TAF4B: variants seen among roughly 807,000 people sequenced by gnomAD.
TAF4B encodes the protein TATA-box binding protein associated factor 4b, also known as transcription initiation factor TFIID subunit 4B.
Under a neutral mutation model 86.4 loss-of-function variants are expected in TAF4B, and 38 were observed. That is an observed-to-expected ratio of 0.44 (90% CI 0.34 to 0.58). TAF4B has a LOEUF of 0.58. TAF4B is among the 20% of genes least tolerant of loss of function. TAF4B has a pLI of 0.02. For missense variants in TAF4B, 988 were observed against 1,027.6 expected (o/e 0.96, Z 0.53); for synonymous variants, 388 against 391.2 (o/e 0.99, Z 0.10).
chr18:26,231,343 G>T (rs12457040), intron 1 of TAF4B, among the ~76,000 whole-genome samples: 24,332 of 38,102 alleles, frequency 0.64, 6,392 homozygotes, highest in Non-Finnish European at 0.66. Flanking sequence ...CAGCTGCTTG[G>T]GGTTTTTTTT....
chr18:26,299,259 A>G (rs913554586), intron 9 of TAF4B, among the ~76,000 whole-genome samples: 2 of 151,960 alleles, frequency 1.3e-5, no homozygotes, highest in African/African-American at 4.8e-5. Context: ...TAGTCTTCCT[A>G]TTGCCTGTTT....
intron 1 of TAF4B, among the ~76,000 whole-genome samples, chr18:26,258,757 G>A (rs2056121545): frequency 6.6e-6 from 1 of 152,058 alleles, no homozygotes. Context: ...GTGCTGTGGT[G>A]TGATTATAGC....
intron 5 of TAF4B, among the ~76,000 whole-genome samples, chr18:26,279,415 C>T (rs1015072774): frequency 2.0e-5 from 3 of 151,902 alleles, no homozygotes; most frequent in Non-Finnish European, 2.9e-5. Context: ...GCCATACTGC[C>T]CAAAGCAATT....
chr18:26,282,068 T>A lies in TAF4B; in HGVS notation c.972+8T>A, dbSNP rs1200498301. The A allele has an allele frequency of 6.3e-7, 1 of 1,589,290 alleles. No individual in the cohort carries two copies. Among genetic ancestry groups the A allele is most frequent in the African/African-American group, 1.3e-5 (1 of 74,132 alleles). On this transcript the variant is annotated splice_region_variant and intron_variant, in intron 6 of 14. Coordinates refer to ENST00000269142, the MANE Select transcript of TAF4B (RefSeq NM_005640.3). ...CTGGTTCCTTTTCTTAAGGTAGAGT[T>A]ATGTGTCACTTAGAAGAAATAATTT...
At chr18:26,361,428 A>G (rs1388311462) in intron 14 of TAF4B, among the ~76,000 whole-genome samples, 7 of 151,352 alleles carry the variant, frequency 4.6e-5, no homozygotes, top group Non-Finnish European at 8.8e-5. Flanking sequence ...TTGGCCCCAA[A>G]TCTTAATATA....
chr18:26,330,843 T>TGTCCTC, intron 12 of TAF4B, among the ~76,000 whole-genome samples: 1 of 152,088 alleles, frequency 6.6e-6, no homozygotes, highest in Non-Finnish European at 1.5e-5. Context: ...CTATCAGTTA[T>TGTCCTC]TTAATCAATG....
At position 26,265,266 on chromosome 18, in the gene TAF4B, G is replaced by A; in HGVS notation, c.440G>A (p.Arg147Lys). The change falls in exon 2 of 15, where the codon AGG (arginine) becomes AAG (lysine). Residue 147 changes from arginine to lysine, a missense_variant. Around this residue, in one of 3 missense-constraint regions of TAF4B, gnomAD observed 747 missense variants for 737.9 expected, o/e 1.01. Transcript: ENST00000269142. Reference protein sequence around the residue: ...RAETTSNITSRPAVPANPQTV... With the variant: ...RAETTSNITSKPAVPANPQTV... Reference sequence around the variant, plus strand: ...GAGACCACAAGTAACATAACCTCAAGGCCAGCAGTACCAGCGAATCCTCAA... The same window carrying A: ...GAGACCACAAGTAACATAACCTCAAAGCCAGCAGTACCAGCGAATCCTCAA... The A allele has an allele frequency of 1.9e-6, 3 of 1,614,054 alleles. No homozygotes were observed. The highest frequency in any genetic ancestry group is 2.5e-6 in the Non-Finnish European group (3 of 1,180,024).
chr18:26,320,386 C>T (rs1301412139), intron 10 of TAF4B, among the ~76,000 whole-genome samples: 1 of 152,056 alleles, frequency 6.6e-6, no homozygotes, highest in Non-Finnish European at 1.5e-5. Flanking sequence ...GTATGTGGTC[C>T]AAATTGTTTT....
intron 11 of TAF4B, among the ~76,000 whole-genome samples, chr18:26,324,285 C>CT (rs1187092339): frequency 6.6e-6 from 1 of 151,924 alleles, no homozygotes; most frequent in Admixed American, 6.6e-5. Context: ...ACATGAATAC[C>CT]TTTTTTAGTA....
chr18:26,252,188 A>T (rs2056016484), intron 1 of TAF4B, among the ~76,000 whole-genome samples: 1 of 152,232 alleles, frequency 6.6e-6, no homozygotes, highest in Admixed American at 6.5e-5. Flanking sequence ...TAATTAAAGT[A>T]TGAAGACATT....
chr18:26,315,780 G>C (rs117032868), intron 10 of TAF4B, among the ~76,000 whole-genome samples: 6,354 of 152,106 alleles, frequency 0.042, 176 homozygotes, highest in Non-Finnish European at 0.059. Flanking sequence ...TCCAAAGAAA[G>C]TAACTCCCTT....
chr18:26,375,012 A>G (rs925853766), intron 14 of TAF4B, among the ~76,000 whole-genome samples: 1 of 152,148 alleles, frequency 6.6e-6, no homozygotes, highest in South Asian at 2.1e-4. Flanking sequence ...AATCATCCCC[A>G]CTATTTAATC....
chr18:26,345,237 T>C (rs1049788821), intron 13 of TAF4B, among the ~76,000 whole-genome samples: 9 of 152,194 alleles, frequency 5.9e-5, no homozygotes, highest in South Asian at 4.1e-4. Context: ...CTCCAAGGCC[T>C]GCTGAACAAC....
At chr18:26,261,576 C>T (rs541196340) in intron 1 of TAF4B, among the ~76,000 whole-genome samples, 1 of 152,304 alleles carries the variant, frequency 6.6e-6, no homozygotes, top group South Asian at 2.1e-4. Flanking sequence ...GGTATCACAG[C>T]TGGCTGTTAG....
intron 14 of TAF4B, among the ~76,000 whole-genome samples, chr18:26,384,168 T>C (rs1282366665): frequency 6.6e-6 from 1 of 152,158 alleles, no homozygotes; most frequent in Admixed American, 6.6e-5. Context: ...CATGGTGGCA[T>C]GAGGTTGGGA....
chr18:26,247,463 T>C (rs1228173523), intron 1 of TAF4B, among the ~76,000 whole-genome samples: 1 of 152,176 alleles, frequency 6.6e-6, no homozygotes. Context: ...TGCCTACCTG[T>C]CCCTATTTTT....
chr18:26,356,299 G>A (rs1234559392), intron 13 of TAF4B, among the ~76,000 whole-genome samples: 1 of 152,056 alleles, frequency 6.6e-6, no homozygotes, highest in Non-Finnish European at 1.5e-5. Flanking sequence ...CACCCTGGGT[G>A]TTAGGATTTC....
chr18:26,347,408 T>G (rs1016304251), intron 13 of TAF4B, among the ~76,000 whole-genome samples: 5 of 151,522 alleles, frequency 3.3e-5, no homozygotes, highest in African/African-American at 1.2e-4. Flanking sequence ...GCTATAAAAC[T>G]CACTGGTAGA....
At chr18:26,307,276 G>A (rs1252937676) in intron 9 of TAF4B, among the ~76,000 whole-genome samples, 1 of 151,392 alleles carries the variant, frequency 6.6e-6, no homozygotes, top group African/African-American at 2.4e-5. Flanking sequence ...TTTTCGGGGG[G>A]ATTCATTTGT....
Sources: allele counts gnomAD v4.1 joint callset (sites outside exome capture counted in the v4.1 genomes callset), GRCh38; gene constraint gnomAD v4.1.1; regional missense constraint gnomAD v4.1.1; transcripts MANE v1.5; gene names NCBI Gene and HGNC (gene_info 2026-07-23, HGNC 2026-07-21).